The following STX1A variants were observed in gnomAD, a reference collection of about 807,000 sequenced individuals.
The protein encoded by STX1A is syntaxin 1A.
Under a neutral mutation model 37.8 loss-of-function variants are expected in STX1A, and 4 were observed. That is an observed-to-expected ratio of 0.11 (90% confidence interval 0.05 to 0.24). The LOEUF (loss-of-function observed/expected upper bound fraction) is 0.24, where lower values mean the gene tolerates loss of function less well. Ranked by LOEUF, STX1A falls within the 10% of genes least tolerant of loss-of-function variation. The pLI, the probability that STX1A is intolerant of heterozygous loss-of-function variation, is 1.00. For synonymous variants in STX1A, 135 were observed against 147.4 expected, an observed-to-expected ratio of 0.92 and a Z score of 0.61; for missense variants, 251 against 399.9, an observed-to-expected ratio of 0.63 and a Z score of 3.18.
intron 5 of STX1A, 42 bp from the exon 6 acceptor site, chr7:73,704,298 G>C (rs782383660): frequency 1.9e-6 from 3 of 1,613,678 alleles, no homozygotes; most frequent in Non-Finnish European, 8.5e-7. Flanking sequence ...GGCCCTGCGG[G>C]GACCGACCCA....
chr7:73,703,776 G>T lies in STX1A; in HGVS notation c.519C>A (p.Asn173Lys). 6.2e-7 allele frequency: 1 copy of T among 1,613,906 alleles called. No homozygotes were observed. Among genetic ancestry groups the T allele is most frequent in the Non-Finnish European group, 8.5e-7 (1 of 1,179,916 alleles). Reference protein sequence around the residue: ...EELEDMLESGNPAIFASGIIM... With the variant: ...EELEDMLESGKPAIFASGIIM... Reference sequence around the variant, plus strand: ...TCACCCCAGAGGCAAAGATGGCGGGGTTCCCACTCTCCAGCATGTCCTCCA... The same window carrying T: ...TCACCCCAGAGGCAAAGATGGCGGGTTTCCCACTCTCCAGCATGTCCTCCA... The change falls in exon 7 of 10, where the codon AAC (asparagine) becomes AAA (lysine). Residue 173 changes from asparagine to lysine, a missense_variant. Asn to Lys is a moderately conservative substitution (Grantham distance 94). This residue lies in a region of STX1A where 214 missense variants were observed against 367.6 expected (regional missense o/e 0.58). Coordinates refer to ENST00000222812, the MANE Select transcript of STX1A (RefSeq NM_004603.4).
In STX1A at chr7:73,717,455, G is replaced by A. The variant is rs1437188005; in HGVS notation, c.30+2147C>T. Among the ~76,000 whole-genome samples the A allele has an allele frequency of 6.6e-6, 1 of 152,132 alleles. No homozygotes were observed. The highest frequency in any genetic ancestry group is 1.9e-4 in the East Asian group (1 of 5,178). ...GACCTGTAGCCCTGCTTCTCGTCCC[G>A]AGAAACTGAATTCTAGGCTTTCCCA... On this transcript the variant is annotated intron_variant, in intron 1 of 9. Transcript: ENST00000222812. The surrounding 1 kb of genome is among the most constrained non-coding windows in gnomAD (Gnocchi z 4.1).
intron 1 of STX1A, among the ~76,000 whole-genome samples, chr7:73,718,965 C>T (rs537034776): frequency 2.0e-5 from 3 of 151,886 alleles, no homozygotes; most frequent in Admixed American, 1.3e-4. Flanking sequence ...TGTGACGCCC[C>T]CCCCCCCATA....
chr7:73,702,665 A>C lies in STX1A; in HGVS notation c.678+180T>G. 6.8e-7 allele frequency: 1 copy of C among 1,466,002 alleles called. No individual in the cohort carries two copies. Among genetic ancestry groups the C allele is most frequent in the Non-Finnish European group, 9.0e-7 (1 of 1,105,522 alleles). 90.8% of individuals were successfully genotyped at this position (1,466,002 alleles called of 1,614,324 possible). ...CCTTGAAGCTCAAGCAGAGCCATGC[A>C]GAGGACAGGGACCTTCGGGTCGGCA... On this transcript the variant is annotated intron_variant, in intron 8 of 9. Transcript: ENST00000222812. This position sits in a 1 kb window ranked among gnomAD's most constrained non-coding sequence, Gnocchi z 4.7.
At position 73,702,531 on chromosome 7, in the gene STX1A, C is replaced by T. The variant is rs1798696738; in HGVS notation, c.678+314G>A. The T allele has an allele frequency of 4.5e-6, 3 of 673,018 alleles. No homozygotes were observed. In the South Asian group the frequency reaches 7.4e-5, roughly 17 times the overall value. 41.7% of individuals were successfully genotyped at this position (673,018 alleles called of 1,614,324 possible). Reference sequence around the variant, plus strand: ...TGAGCTGTCCTGGTCACTGCTATGCCTTCAGTCTCTGGGGAAATGCGTGGC... The same window carrying T: ...TGAGCTGTCCTGGTCACTGCTATGCTTTCAGTCTCTGGGGAAATGCGTGGC... On this transcript the variant is annotated intron_variant, in intron 8 of 9. Transcript: ENST00000222812. This position sits in a 1 kb window ranked among gnomAD's most constrained non-coding sequence, Gnocchi z 4.7.
chr7:73,710,050 T>C (rs538834131), intron 1 of STX1A, among the ~76,000 whole-genome samples: 3 of 152,284 alleles, frequency 2.0e-5, no homozygotes, highest in South Asian at 2.1e-4. Flanking sequence ...GGTCTTGCCA[T>C]TGGACCTCGG....
At chr7:73,714,794 C>T (rs1047250721) in intron 1 of STX1A, among the ~76,000 whole-genome samples, 3 of 148,702 alleles carry the variant, frequency 2.0e-5, no homozygotes, top group Middle Eastern at 3.6e-3. Context: ...AAAACAAAAA[C>T]GGCTTCCAGG....
intron 8 of STX1A, chr7:73,701,272 T>C: frequency 2.9e-6 from 1 of 348,860 alleles, no homozygotes; most frequent in Non-Finnish European, 5.2e-6. Flanking sequence ...CATCCAGCTC[T>C]GTCTGCTGTC....
intron 1 of STX1A, among the ~76,000 whole-genome samples, chr7:73,710,629 T>A (rs1799065821): frequency 6.6e-6 from 1 of 152,178 alleles, no homozygotes; most frequent in Non-Finnish European, 1.5e-5. Context: ...TTCACTATGT[T>A]GGCCAGGCCG....
chr7:73,702,575 G>A lies in STX1A; in HGVS notation c.678+270C>T, dbSNP rs1323037262. On this transcript the variant is annotated intron_variant, in intron 8 of 9. Transcript: ENST00000222812. The surrounding 1 kb of genome is among the most constrained non-coding windows in gnomAD (Gnocchi z 4.7). ...GCGTGGCCCACAGTGGCCCCATGAG[G>A]AAACAGTAGTAGGGGAATGAGAGAC... 2.0e-6 allele frequency: 2 copies of A among 1,015,404 alleles called. No homozygotes were observed. Among genetic ancestry groups the A allele is most frequent in the Non-Finnish European group, 2.7e-6 (2 of 727,794 alleles). 62.9% of individuals were successfully genotyped at this position (1,015,404 alleles called of 1,614,324 possible). A position where few individuals can be genotyped will look rare whatever the true frequency, so the allele number is the denominator to read the frequency against.
In STX1A at chr7:73,699,346, G is replaced by T; in HGVS notation, c.*1061C>A. The stretch of plus-strand genomic sequence containing the variant: ...GACAGTGGTCACAGTCACTGGGCAG[G>T]AGTAAAGCCGAGGGAGGGTGGGGCA... On this transcript the variant is annotated 3_prime_UTR_variant, in exon 10 of 10. Transcript: ENST00000222812. The T allele has an allele frequency of 6.5e-6, 1 of 152,826 alleles. No individual in the cohort carries two copies. 9.5% of individuals were successfully genotyped at this position (152,826 alleles called of 1,614,324 possible). A position where few individuals can be genotyped will look rare whatever the true frequency, so the allele number is the denominator to read the frequency against.
At chr7:73,704,829 C>T (rs1241197700) in intron 4 of STX1A, 7 of 520,094 alleles carry the variant, frequency 1.3e-5, no homozygotes, top group African/African-American at 1.3e-4. Flanking sequence ...TCTGTTCACC[C>T]AGAATACCGG....
Position 73,702,712 on chromosome 7 carries a change from C to A in STX1A, c.678+133G>T. ...GGCAGGGCCCTGGCGGCAGTTTCAA[C>A]AGCGGGTGATTGGTTACCTGAGAAC... is the stretch of plus-strand genomic sequence containing the variant. On this transcript the variant is annotated intron_variant, in intron 8 of 9. Coordinates refer to ENST00000222812, the MANE Select transcript of STX1A (RefSeq NM_004603.4). The surrounding 1 kb of genome is among the most constrained non-coding windows in gnomAD (Gnocchi z 4.7). The A allele has an allele frequency of 6.5e-7, 1 of 1,539,598 alleles. No individual in the cohort carries two copies.
chr7:73,714,950 C>G (rs1366667879), intron 1 of STX1A, among the ~76,000 whole-genome samples: 4 of 151,980 alleles, frequency 2.6e-5, no homozygotes, highest in Admixed American at 2.6e-4. Context: ...CATGGCAAAA[C>G]CCCATCTCTA....
intron 7 of STX1A, chr7:73,703,277 G>C: frequency 1.8e-6 from 1 of 551,740 alleles, no homozygotes; most frequent in Non-Finnish European, 3.3e-6. Flanking sequence ...TTGCAGAGCC[G>C]AAGTTGACTG....
chr7:73,701,185 G>A (rs1554615836), intron 8 of STX1A: 2 of 561,898 alleles, frequency 3.6e-6, no homozygotes, highest in Non-Finnish European at 6.3e-6. Flanking sequence ...GCTGGAGTCT[G>A]GTCCTGCCCT....
chr7:73,701,782 C>T (rs1392438444), intron 8 of STX1A, among the ~76,000 whole-genome samples: 2 of 152,212 alleles, frequency 1.3e-5, no homozygotes, highest in African/African-American at 4.8e-5. Context: ...GGCCACATCA[C>T]TCCCATACTT....
rs1799061408 is a variant in STX1A at position 73,710,483 on chromosome 7, T to C, written c.31-1361A>G. The stretch of plus-strand genomic sequence containing the variant: ...CACTGTCACCTAGGCTGGAGTGCAG[T>C]GGTGTGATCTTGGCTCACTGCAACC... On this transcript the variant is annotated intron_variant, in intron 1 of 9. Coordinates refer to ENST00000222812, the MANE Select transcript of STX1A (RefSeq NM_004603.4). Among the ~76,000 whole-genome samples, 3 of 152,158 alleles carry C rather than the reference T, an allele frequency of 2.0e-5. No homozygotes were observed. In the South Asian group the frequency reaches 6.2e-4, roughly 32 times the overall value.
At chr7:73,716,110 A>G (rs964065089) in intron 1 of STX1A, among the ~76,000 whole-genome samples, 64 of 152,218 alleles carry the variant, frequency 4.2e-4, no homozygotes, top group African/African-American at 1.4e-3. Context: ...GTTGAACTAG[A>G]TGGTCCCGGG....
Sources: allele counts gnomAD v4.1 joint callset (sites outside exome capture counted in the v4.1 genomes callset), GRCh38; gene constraint gnomAD v4.1.1; regional missense constraint gnomAD v4.1.1; non-coding constraint Gnocchi (gnomAD v3.1); transcripts MANE v1.5; gene names NCBI Gene and HGNC (gene_info 2026-07-23, HGNC 2026-07-21).